CTBP2: variants seen among roughly 807,000 people sequenced by gnomAD.
CTBP2 encodes the protein C-terminal binding protein 2, also known as C-terminal-binding protein 2.
In CTBP2, 30 loss-of-function variants were observed where a neutral mutation model predicts 80.3. The observed-to-expected ratio is 0.37, with a 90% CI of 0.28 to 0.51. The LOEUF (loss-of-function observed/expected upper bound fraction) is 0.51, where lower values mean the gene tolerates loss of function less well. Among genes scored for constraint, CTBP2 ranks in the 20% least tolerant of loss-of-function variants. The pLI is 0.93. For missense variants in CTBP2, 1,212 were observed against 1,375.3 expected (o/e 0.88, Z 1.88); for synonymous variants, 594 against 587.4 (o/e 1.01, Z -0.16).
chr10:125,124,336 A>G (rs1051095784), intron 1 of CTBP2, among the ~76,000 whole-genome samples: 2 of 152,092 alleles, frequency 1.3e-5, no homozygotes, highest in African/African-American at 4.8e-5. Context: ...ACTCCCGGTA[A>G]CTCCCCGCTG....
intron 1 of CTBP2, among the ~76,000 whole-genome samples, chr10:125,010,375 C>CA (rs1392527013): frequency 1.3e-5 from 2 of 152,140 alleles, no homozygotes; most frequent in Admixed American, 6.6e-5. Flanking sequence ...CCCAGCTTCC[C>CA]AGAGGCTGCG....
At chr10:125,036,213 C>T (rs1370403964) in intron 3 of CTBP2, among the ~76,000 whole-genome samples, 3 of 152,118 alleles carry the variant, frequency 2.0e-5, no homozygotes, top group African/African-American at 7.2e-5. Flanking sequence ...GAGGAAGGGG[C>T]TGGACAGGCC....
intron 1 of CTBP2, among the ~76,000 whole-genome samples, chr10:125,136,157 A>AG (rs1856940510): frequency 6.6e-6 from 1 of 152,194 alleles, no homozygotes; most frequent in Non-Finnish European, 1.5e-5. Flanking sequence ...TCTCAGATCC[A>AG]GATAAGGATG....
chr10:125,093,174 G>T (rs1849043000), intron 2 of CTBP2, among the ~76,000 whole-genome samples: 1 of 152,198 alleles, frequency 6.6e-6, no homozygotes, highest in Non-Finnish European at 1.5e-5. Flanking sequence ...TTCTACATGA[G>T]CATCTTTAAC....
chr10:125,039,209 C>A (rs1959174177), intron 2 of CTBP2, 54 bp from the exon 3 acceptor site: 1 of 605,812 alleles, frequency 1.7e-6, no homozygotes, highest in Admixed American at 3.3e-5. Context: ...GGGCACAGGA[C>A]AACAGCTCAC....
intron 1 of CTBP2, among the ~76,000 whole-genome samples, chr10:125,157,689 A>G (rs1218415403): frequency 1.3e-5 from 2 of 152,200 alleles, no homozygotes; most frequent in South Asian, 4.1e-4. Flanking sequence ...CTCTACAGAA[A>G]TATGCTGGCT....
In CTBP2 at chr10:125,039,131, T is replaced by C. The variant is rs1196477998; in HGVS notation, c.-77A>G. 1.1e-5 allele frequency: 14 copies of C among 1,281,760 alleles called. No homozygotes were observed. The Admixed American group carries it at 2.6e-4, about 24-fold the overall frequency. 79.4% of individuals were successfully genotyped at this position (1,281,760 alleles called of 1,614,324 possible). A position where few individuals can be genotyped will look rare whatever the true frequency, so the allele number is the denominator to read the frequency against. On this transcript the variant is annotated 5_prime_UTR_variant, in exon 3 of 11. Transcript: ENST00000337195. ...GAACTTAGGGGAACTTGCAGGAGTC[T>C]GCGTGCATGACGCCACTATGAACCC...
chr10:124,997,802 G>A (rs1953833524), intron 4 of CTBP2, 162 bp downstream of exon 6: 1 of 686,594 alleles, frequency 1.5e-6, no homozygotes. Flanking sequence ...TGCCTGATGG[G>A]TCTTGACTCC....
Position 125,005,883 on chromosome 10 carries a change from G to C in CTBP2, c.1679-2391C>G, listed in dbSNP as rs568446357. The C allele has an allele frequency of 4.6e-5, 70 of 1,536,072 alleles. No homozygotes were observed. In the Admixed American group the frequency reaches 1.4e-3, roughly 31 times the overall value. On this transcript the variant is annotated intron_variant, in intron 1 of 8. Coordinates refer to ENST00000309035, the MANE Select transcript of CTBP2 (RefSeq NM_022802.3). ...CAGGGGTGCTGGCAGGATGGTTATC[G>C]GAGAGAGTGCCTGATTATAAGAAAT...
intron 2 of CTBP2, among the ~76,000 whole-genome samples, chr10:125,102,373 T>C (rs952718764): frequency 6.6e-6 from 1 of 152,234 alleles, no homozygotes; most frequent in African/African-American, 2.4e-5. Flanking sequence ...AGGGAGTGAC[T>C]GTTATGATGC....
chr10:125,074,793 T>C (rs1030316924), intron 2 of CTBP2, among the ~76,000 whole-genome samples: 1 of 152,212 alleles, frequency 6.6e-6, no homozygotes, highest in Admixed American at 6.5e-5. Flanking sequence ...TCTCAACAAC[T>C]TGGACCCCAC....
intron 2 of CTBP2, among the ~76,000 whole-genome samples, chr10:125,069,359 C>T (rs895607235): frequency 6.6e-6 from 1 of 152,176 alleles, no homozygotes; most frequent in African/African-American, 2.4e-5. Context: ...GGCTCACACC[C>T]GTTATCCCAG....
intron 2 of CTBP2, among the ~76,000 whole-genome samples, chr10:125,101,532 G>A (rs959244405): frequency 2.0e-5 from 3 of 152,180 alleles, no homozygotes; most frequent in Non-Finnish European, 4.4e-5. Flanking sequence ...AAGGCTTCAT[G>A]GAAACCCCAA....
chr10:124,985,021 G>C lies in CTBP2; in HGVS notation c.*4497C>G. Reference sequence around the variant, plus strand: ...AAAAAATCAAACAGCAGAAGACCAAGGCATCAGATCTGTAATGACCCTAAA... The same window carrying C: ...AAAAAATCAAACAGCAGAAGACCAACGCATCAGATCTGTAATGACCCTAAA... On this transcript the variant is annotated 3_prime_UTR_variant, in exon 9 of 9. Transcript: ENST00000309035. 6.5e-7 allele frequency: 1 copy of C among 1,542,314 alleles called. No individual in the cohort carries two copies. The highest frequency in any genetic ancestry group is 1.2e-5 in the South Asian group (1 of 86,126).
chr10:125,086,258 T>C (rs967460362), intron 2 of CTBP2, among the ~76,000 whole-genome samples: 2 of 152,088 alleles, frequency 1.3e-5, no homozygotes, highest in Non-Finnish European at 1.5e-5. Context: ...TGGCCAAGGC[T>C]CGGTGGCTAA....
chr10:125,153,000 G>A (rs1860271477), intron 1 of CTBP2, among the ~76,000 whole-genome samples: 1 of 152,212 alleles, frequency 6.6e-6, no homozygotes, highest in Non-Finnish European at 1.5e-5. Flanking sequence ...CTCCATCAGG[G>A]TCTCGGGTGT....
At chr10:125,009,740 G>T (rs1053052388) in intron 1 of CTBP2, among the ~76,000 whole-genome samples, 1 of 152,180 alleles carries the variant, frequency 6.6e-6, no homozygotes, top group African/African-American at 2.4e-5. Flanking sequence ...TGGGACGTAC[G>T]CAAGTGCCTC....
rs942438563 is a variant in CTBP2, at chr10:124,986,390, G to A, written c.*3128C>T. On this transcript the variant is annotated 3_prime_UTR_variant, in exon 9 of 9. Transcript: ENST00000309035. ...AAAGTATTTGCTTGCTTCTTGTTTT[G>A]TTTAGTTGATAATGAAATGTGTACA... 18 of 151,852 alleles carry A rather than the reference G, an allele frequency of 1.2e-4. No homozygotes were observed. Among genetic ancestry groups the A allele is most frequent in the African/African-American group, 4.4e-4 (18 of 41,198 alleles). The allele number at this position is 151,852 out of a possible 1,614,324, so 9.4% of individuals were successfully genotyped here. A position where few individuals can be genotyped will look rare whatever the true frequency, so the allele number is the denominator to read the frequency against.
chr10:125,119,096 C>T (rs1730414652), intron 1 of CTBP2, among the ~76,000 whole-genome samples: 1 of 152,172 alleles, frequency 6.6e-6, no homozygotes, highest in Non-Finnish European at 1.5e-5. Context: ...CACAGGGTAT[C>T]CCAAGGACAC....
Sources: gnomAD v4.1 joint callset for allele counts (sites outside exome capture counted in the v4.1 genomes callset) on GRCh38, gnomAD v4.1.1 for gene constraint, MANE v1.5 for transcripts, NCBI Gene and HGNC (gene_info 2026-07-23, HGNC 2026-07-21) for gene names.